The following PDGFD variants were observed in gnomAD, a reference collection of about 807,000 sequenced individuals.
The protein encoded by PDGFD is platelet derived growth factor D.
In PDGFD, 30 loss-of-function variants were observed where a neutral mutation model predicts 44.7. The ratio of observed to expected loss-of-function variants is 0.67; its 90% CI spans 0.50 to 0.91. The LOEUF (loss-of-function observed/expected upper bound fraction) is 0.91, where lower values mean the gene tolerates loss of function less well. Ranked by LOEUF, PDGFD falls within the 40% of genes least tolerant of loss-of-function variation. The pLI is 0.00. For synonymous variants in PDGFD, 173 were observed against 168.4 expected, an observed-to-expected ratio of 1.03 and a Z score of -0.21; for missense variants, 445 against 457.8, an observed-to-expected ratio of 0.97 and a Z score of 0.25.
intron 6 of PDGFD, among the ~76,000 whole-genome samples, chr11:103,916,330 T>A (rs1404167262): frequency 6.7e-6 from 1 of 149,402 alleles, no homozygotes; most frequent in Non-Finnish European, 1.5e-5. Context: ...AACAAACATA[T>A]GAAAAAAACC....
At chr11:104,059,786 C>A (rs1184535747) in intron 1 of PDGFD, among the ~76,000 whole-genome samples, 1 of 152,180 alleles carries the variant, frequency 6.6e-6, no homozygotes, top group East Asian at 1.9e-4. Context: ...CAAGATAGTA[C>A]CCCTCTGACA....
Position 104,164,061 on chromosome 11 carries a change from C to T in PDGFD, c.-134G>A, listed in dbSNP as rs1407491415. Reference sequence around the variant, plus strand: ...TGGCCCGGGTCGCTGTGCTAATCGCCGAGCTCTCCCCAAACTTCCTGCATG... The same window carrying T: ...TGGCCCGGGTCGCTGTGCTAATCGCTGAGCTCTCCCCAAACTTCCTGCATG... On this transcript the variant is annotated 5_prime_UTR_variant, in exon 1 of 7. Coordinates refer to ENST00000393158, the MANE Select transcript of PDGFD (RefSeq NM_025208.5). The T allele has an allele frequency of 1.6e-5, 16 of 988,716 alleles. No homozygotes were observed. The highest frequency in any genetic ancestry group is 5.4e-5 in the South Asian group (2 of 36,772). 61.2% of individuals were successfully genotyped at this position (988,716 alleles called of 1,614,324 possible). A position where few individuals can be genotyped will look rare whatever the true frequency, so the allele number is the denominator to read the frequency against.
At chr11:104,035,078 G>A (rs1031578134) in intron 1 of PDGFD, among the ~76,000 whole-genome samples, 1 of 152,124 alleles carries the variant, frequency 6.6e-6, no homozygotes. Context: ...GGGAGAGTAG[G>A]GAGAAGGTGG....
chr11:104,095,368 C>A (rs191991990), intron 1 of PDGFD, among the ~76,000 whole-genome samples: 131 of 151,802 alleles, frequency 8.6e-4, no homozygotes, highest in Non-Finnish European at 1.5e-4. Flanking sequence ...AATAAATAAA[C>A]AATATTTTGA....
rs1857953680 is a variant in PDGFD, at chr11:103,907,511, G to A, written c.*2183C>T. On this transcript the variant is annotated 3_prime_UTR_variant, in exon 7 of 7. Coordinates refer to ENST00000393158, the MANE Select transcript of PDGFD (RefSeq NM_025208.5). ...TGCAAAAGATAACAGGTAACCAAGG[G>A]AGAAGTTTTAATAAAACTCTCAGGA... 6.6e-6 allele frequency: 1 copy of A among 152,198 alleles called. No homozygotes were observed. 9.4% of individuals were successfully genotyped at this position (152,198 alleles called of 1,614,324 possible). A position where few individuals can be genotyped will look rare whatever the true frequency, so the allele number is the denominator to read the frequency against.
chr11:103,938,678 A>G (rs1013017786), intron 5 of PDGFD, among the ~76,000 whole-genome samples: 1 of 152,190 alleles, frequency 6.6e-6, no homozygotes, highest in Non-Finnish European at 1.5e-5. Flanking sequence ...TAGGGATTTT[A>G]TGGTTTTAGG....
chr11:104,161,652 C>T (rs1430738361), intron 1 of PDGFD, among the ~76,000 whole-genome samples: 4 of 152,164 alleles, frequency 2.6e-5, no homozygotes, highest in African/African-American at 9.7e-5. Context: ...CTATTTATAT[C>T]TGCTAGCCCT....
intron 3 of PDGFD, among the ~76,000 whole-genome samples, chr11:103,970,527 T>G (rs1859088010): frequency 6.6e-6 from 1 of 152,152 alleles, no homozygotes; most frequent in African/African-American, 2.4e-5. Flanking sequence ...CAAATCATTT[T>G]GCAAGTACTT....
At chr11:104,097,530 A>G (rs1861304160) in intron 1 of PDGFD, among the ~76,000 whole-genome samples, 1 of 152,182 alleles carries the variant, frequency 6.6e-6, no homozygotes, top group African/African-American at 2.4e-5. Flanking sequence ...CCTGACATAC[A>G]TGAGGTGCTC....
chr11:103,911,243 G>A (rs1425416201), intron 6 of PDGFD, among the ~76,000 whole-genome samples: 1 of 152,134 alleles, frequency 6.6e-6, no homozygotes, highest in African/African-American at 2.4e-5. Context: ...ATAAGGGACA[G>A]GCTGCCTCCT....
chr11:103,911,036 T>A (rs952819849), intron 6 of PDGFD, among the ~76,000 whole-genome samples: 1 of 152,164 alleles, frequency 6.6e-6, no homozygotes, highest in Non-Finnish European at 1.5e-5. Flanking sequence ...CTCTCTAGAT[T>A]CCTCCTTTTT....
intron 1 of PDGFD, among the ~76,000 whole-genome samples, chr11:104,159,134 C>G (rs1420006064): frequency 9.0e-6 from 1 of 111,008 alleles, no homozygotes; most frequent in Admixed American, 1.3e-4. Flanking sequence ...GCCTGGGTGA[C>G]AAGAGGCAGA....
chr11:104,164,059 G>A lies in PDGFD; in HGVS notation c.-132C>T. 1 of 1,019,822 alleles carries A rather than the reference G, an allele frequency of 9.8e-7. No individual in the cohort carries two copies. Among genetic ancestry groups the A allele is most frequent in the Non-Finnish European group, 1.3e-6 (1 of 744,450 alleles). 63.2% of individuals were successfully genotyped at this position (1,019,822 alleles called of 1,614,324 possible). On this transcript the variant is annotated 5_prime_UTR_variant, in exon 1 of 7. Coordinates refer to ENST00000393158, the MANE Select transcript of PDGFD (RefSeq NM_025208.5). ...GCTGGCCCGGGTCGCTGTGCTAATCGCCGAGCTCTCCCCAAACTTCCTGCA... is the reference window on the plus strand; with the variant it reads ...GCTGGCCCGGGTCGCTGTGCTAATCACCGAGCTCTCCCCAAACTTCCTGCA...
intron 1 of PDGFD, among the ~76,000 whole-genome samples, chr11:104,076,391 T>A (rs1860958774): frequency 6.6e-6 from 1 of 152,238 alleles, no homozygotes; most frequent in South Asian, 2.1e-4. Context: ...CTCTTTAGTT[T>A]ATGCACCTTC....
intron 1 of PDGFD, among the ~76,000 whole-genome samples, chr11:104,023,094 C>A (rs933115575): frequency 6.6e-6 from 1 of 152,174 alleles, no homozygotes; most frequent in Non-Finnish European, 1.5e-5. Context: ...GGGGGCTCCC[C>A]AGGGTGAAAT....
At chr11:103,930,996 C>A (rs759814086) in intron 5 of PDGFD, among the ~76,000 whole-genome samples, 4 of 152,150 alleles carry the variant, frequency 2.6e-5, no homozygotes, top group Non-Finnish European at 5.9e-5. Context: ...CCCTTTCTTG[C>A]CTCATCTAGG....
chr11:104,145,468 A>G (rs1862149068), intron 1 of PDGFD, among the ~76,000 whole-genome samples: 1 of 152,192 alleles, frequency 6.6e-6, no homozygotes. Flanking sequence ...TCTATAGCCA[A>G]TTTCTGATGA....
chr11:104,084,795 T>G (rs1250805975), intron 1 of PDGFD, among the ~76,000 whole-genome samples: 1 of 145,710 alleles, frequency 6.9e-6, no homozygotes, highest in Non-Finnish European at 1.5e-5. Context: ...TAATATAAAA[T>G]ATATATTTTA....
chr11:104,023,274 A>T (rs1301454011), intron 1 of PDGFD, among the ~76,000 whole-genome samples: 2 of 152,148 alleles, frequency 1.3e-5, no homozygotes, highest in Non-Finnish European at 1.5e-5. Context: ...ATCTTTCTGA[A>T]CTACAAACTT....
Sources: allele counts gnomAD v4.1 joint callset (sites outside exome capture counted in the v4.1 genomes callset), GRCh38; gene constraint gnomAD v4.1.1; transcripts MANE v1.5; gene names NCBI Gene and HGNC (gene_info 2026-07-23, HGNC 2026-07-21).